The following COL21A1 variants were observed in gnomAD, a reference collection of about 807,000 sequenced individuals.
COL21A1 encodes collagen alpha-1(XXI) chain.
Under a neutral mutation model 137.9 loss-of-function variants are expected in COL21A1, and 149 were observed. The observed-to-expected ratio is 1.08, with a 90% CI of 0.95 to 1.24. COL21A1 has a LOEUF of 1.24. Among genes scored for constraint, COL21A1 ranks in the 50% most tolerant of loss-of-function variants. The probability of loss-of-function intolerance (pLI) is 0.00; values close to 1 mark genes in which losing one functional copy is unlikely to be tolerated. For synonymous variants in COL21A1, 456 were observed against 391.5 expected (o/e 1.16, Z -1.95); for missense variants, 1,167 against 1,158.4 (o/e 1.01, Z -0.11).
At chr6:56,214,872 T>C (rs1780386415) in intron 1 of COL21A1, among the ~76,000 whole-genome samples, 1 of 152,122 alleles carries the variant, frequency 6.6e-6, no homozygotes, top group African/African-American at 2.4e-5. Flanking sequence ...TTGCTTCATG[T>C]AAGTTTCTTT....
rs572441000 is a variant in COL21A1 at position 56,284,252 on chromosome 6, C to T, written c.-38-101596G>A. Among the ~76,000 whole-genome samples, 366 of 152,166 alleles carry T rather than the reference C, an allele frequency of 2.4e-3. 2 individuals carry two copies. The highest frequency in any genetic ancestry group is 4.0e-3 in the Non-Finnish European group (273 of 67,990). On this transcript the variant is annotated intron_variant, in intron 1 of 28. Coordinates refer to the COL21A1 transcript ENST00000370819. ...CTACTTTTGGTAGAGTTGGGATTCA[C>T]GATGTTGCCCAGGCTGGTCTCTAAC... is the stretch of plus-strand genomic sequence containing the variant.
chr6:56,354,331 T>A (rs910478876), intron 1 of COL21A1, among the ~76,000 whole-genome samples: 1 of 152,226 alleles, frequency 6.6e-6, no homozygotes, highest in Non-Finnish European at 1.5e-5. Flanking sequence ...TATACTTTCA[T>A]AAATTGTGCT....
At chr6:56,226,978 C>T (rs958864466) in intron 1 of COL21A1, among the ~76,000 whole-genome samples, 2 of 151,786 alleles carry the variant, frequency 1.3e-5, no homozygotes, top group African/African-American at 2.4e-5. Flanking sequence ...GACTTTGAAT[C>T]GCCCAAGTTA....
At chr6:56,358,173 G>A (rs1289662790) in intron 1 of COL21A1, among the ~76,000 whole-genome samples, 1 of 151,952 alleles carries the variant, frequency 6.6e-6, no homozygotes, top group African/African-American at 2.4e-5. Flanking sequence ...TACGGTTTTA[G>A]GTTTCAGGGA....
chr6:56,342,826 C>T (rs893908549), intron 1 of COL21A1, among the ~76,000 whole-genome samples: 1 of 152,200 alleles, frequency 6.6e-6, no homozygotes, highest in Non-Finnish European at 1.5e-5. Flanking sequence ...CATGCTCATA[C>T]TTTTGCCAAC....
rs1279818790 is a variant in COL21A1, at chr6:56,077,627, T to C, written c.1813-54A>G. The C allele has an allele frequency of 2.8e-6, 3 of 1,087,800 alleles. No homozygotes were observed. The Admixed American group carries it at 7.4e-5, about 27-fold the overall frequency. The allele number at this position is 1,087,800 out of a possible 1,614,324, so 67.4% of individuals were successfully genotyped here. On this transcript the variant is annotated intron_variant, in intron 17 of 29. Coordinates refer to ENST00000244728, the MANE Select transcript of COL21A1 (RefSeq NM_030820.4). ...TTATAAAAAATTGAAGACTTTATCATTAAAGAAGAAACAGTCACAATTGGA... is the reference window on the plus strand; with the variant it reads ...TTATAAAAAATTGAAGACTTTATCACTAAAGAAGAAACAGTCACAATTGGA...
chr6:56,224,051 A>C (rs1419542690), intron 1 of COL21A1, among the ~76,000 whole-genome samples: 1 of 152,072 alleles, frequency 6.6e-6, no homozygotes, highest in Non-Finnish European at 1.5e-5. Context: ...CAGTATAAAC[A>C]TTGGAGAGAT....
At chr6:56,349,976 G>T (rs564536163) in intron 1 of COL21A1, among the ~76,000 whole-genome samples, 1 of 152,288 alleles carries the variant, frequency 6.6e-6, no homozygotes, top group Non-Finnish European at 1.5e-5. Context: ...GATCCTGTCT[G>T]CATTCTGTTT....
chr6:56,113,469 G>T (rs1375271736), intron 16 of COL21A1, among the ~76,000 whole-genome samples: 1 of 152,148 alleles, frequency 6.6e-6, no homozygotes, highest in Non-Finnish European at 1.5e-5. Context: ...TGGGCCAGAA[G>T]TAAACCCACT....
At chr6:56,152,975 G>A (rs1018757181) in intron 10 of COL21A1, among the ~76,000 whole-genome samples, 7 of 152,074 alleles carry the variant, frequency 4.6e-5, no homozygotes, top group African/African-American at 1.7e-4. Context: ...CTCACCCAGT[G>A]TAATTAGGGC....
At chr6:56,288,884 CA>C (rs1055804248) in intron 1 of COL21A1, among the ~76,000 whole-genome samples, 7 of 152,204 alleles carry the variant, frequency 4.6e-5, no homozygotes, top group African/African-American at 1.7e-4. Context: ...CTGTATATCA[CA>C]GTGTCTGTGC....
intron 1 of COL21A1, among the ~76,000 whole-genome samples, chr6:56,254,312 CCT>C (rs1484960473): frequency 1.3e-5 from 2 of 152,106 alleles, no homozygotes; most frequent in African/African-American, 4.8e-5. Context: ...AGGTGGTTGG[CCT>C]CTGTGTTGAA....
chr6:56,166,897 C>A lies in COL21A1; in HGVS notation c.1278+9G>T. ...AACATCTGGGAAAAAAACAATCCCT[C>A]CTACTTACAAATCCAGGAATCTCAC... On this transcript the variant is annotated intron_variant, in intron 7 of 29. Transcript: ENST00000244728. 6.2e-7 allele frequency: 1 copy of A among 1,608,086 alleles called. No homozygotes were observed. The highest frequency in any genetic ancestry group is 8.5e-7 in the Non-Finnish European group (1 of 1,176,182).
chr6:56,302,559 C>T (rs1764326391), intron 1 of COL21A1, among the ~76,000 whole-genome samples: 1 of 152,058 alleles, frequency 6.6e-6, no homozygotes, highest in Non-Finnish European at 1.5e-5. Flanking sequence ...ATCCTTTGCC[C>T]ACTTTTTGAT....
At chr6:56,170,531 A>T in intron 5 of COL21A1, 118 bp downstream of exon 5, 2 of 711,020 alleles carry the variant, frequency 2.8e-6, no homozygotes, top group Non-Finnish European at 4.6e-6. Flanking sequence ...ATTAAAATTT[A>T]AAGTAAAAAT....
intron 1 of COL21A1, among the ~76,000 whole-genome samples, chr6:56,343,161 A>C (rs1435695367): frequency 6.6e-6 from 1 of 152,156 alleles, no homozygotes; most frequent in African/African-American, 2.4e-5. Flanking sequence ...GATTTCCTTT[A>C]AAAGTAATCA....
intron 1 of COL21A1, among the ~76,000 whole-genome samples, chr6:56,295,742 TTC>T (rs1382002100): frequency 1.5e-4 from 23 of 149,180 alleles, no homozygotes; most frequent in Admixed American, 2.7e-4. Context: ...CAATTATTCA[TTC>T]CTGGTATATA....
At chr6:56,290,497 A>AGTTTTTTT (rs1410641304) in intron 1 of COL21A1, among the ~76,000 whole-genome samples, 9 of 80,502 alleles carry the variant, frequency 1.1e-4, no homozygotes, top group South Asian at 5.3e-4. Context: ...ATCACTTAGG[A>AGTTTTTTT]GATTTTTTTT....
chr6:56,267,014 A>G (rs527890566), intron 1 of COL21A1, among the ~76,000 whole-genome samples: 3 of 152,320 alleles, frequency 2.0e-5, no homozygotes, highest in African/African-American at 7.2e-5. Flanking sequence ...AGGAAGAGAC[A>G]ATGAGCATCC....
Sources: allele counts gnomAD v4.1 joint callset (sites outside exome capture counted in the v4.1 genomes callset), GRCh38; gene constraint gnomAD v4.1.1; transcripts MANE v1.5; gene names NCBI Gene and HGNC (gene_info 2026-07-23, HGNC 2026-07-21).